ESYT1: variants seen among roughly 807,000 people sequenced by gnomAD.
ESYT1 encodes extended synaptotagmin-1.
Under a neutral mutation model 154.2 loss-of-function variants are expected in ESYT1, and 116 were observed. The observed-to-expected ratio is 0.75, with a 90% CI of 0.65 to 0.88. The LOEUF (loss-of-function observed/expected upper bound fraction) is 0.88. Among genes scored for constraint, ESYT1 ranks in the 40% least tolerant of loss-of-function variants. The probability of loss-of-function intolerance (pLI) is 0.00; values close to 1 mark genes in which losing one functional copy is unlikely to be tolerated. For missense variants in ESYT1, 1,264 were observed against 1,379.3 expected (o/e 0.92, Z 1.32); for synonymous variants, 500 against 539.9 (o/e 0.93, Z 1.02).
In ESYT1 at chr12:56,131,309, G is replaced by T; in HGVS notation, c.707G>T (p.Gly236Val). 6.2e-7 allele frequency: 1 copy of T among 1,614,210 alleles called. No individual in the cohort carries two copies. The highest frequency in any genetic ancestry group is 8.5e-7 in the Non-Finnish European group (1 of 1,180,032). ...KKYFCKAGVK[G>V]MQLHGVLRVI... ...TATTTTTGCAAAGCAGGAGTCAAGGGCATGCAGGTAGGCCAGATGTCAGGG... is the reference window on the plus strand; with the variant it reads ...TATTTTTGCAAAGCAGGAGTCAAGGTCATGCAGGTAGGCCAGATGTCAGGG... The change falls in exon 5 of 31, where the codon GGC (glycine) becomes GTC (valine). Residue 236 changes from glycine (G) to valine (V), a missense_variant. Physicochemically the swap from Gly to Val is moderately radical, Grantham distance 109. Transcript: ENST00000394048.
In ESYT1 at chr12:56,134,436, A is replaced by G. The variant is rs915835143; in HGVS notation, c.1632+8A>G. On this transcript the variant is annotated splice_region_variant and intron_variant, in intron 15 of 30. Transcript: ENST00000394048. Reference sequence around the variant, plus strand: ...CAGGAGCTCGATGTGCAAGTGAGATAATCACCTCTTCATCCCCTCCCGAAT... The same window carrying G: ...CAGGAGCTCGATGTGCAAGTGAGATGATCACCTCTTCATCCCCTCCCGAAT... 5 of 1,610,488 alleles carry G rather than the reference A, an allele frequency of 3.1e-6. No individual in the cohort carries two copies. Among genetic ancestry groups the G allele is most frequent in the African/African-American group, 1.3e-5 (1 of 74,764 alleles).
At position 56,131,116 on chromosome 12, in the gene ESYT1, A is replaced by G. The variant is rs1475132617; in HGVS notation, c.641+3A>G. The G allele has an allele frequency of 1.2e-6, 2 of 1,614,114 alleles. No individual in the cohort carries two copies. Among genetic ancestry groups the G allele is most frequent in the South Asian group, 1.1e-5 (1 of 91,076 alleles). On this transcript the variant is annotated splice_donor_region_variant and intron_variant, in intron 4 of 30. Coordinates refer to ENST00000394048, the MANE Select transcript of ESYT1 (RefSeq NM_015292.3). The stretch of plus-strand genomic sequence containing the variant: ...ATCCTGCTGGACTTGAACATCAGGT[A>G]ATACCACTCACCACTCTTACTGCTT...
At position 56,143,148 on chromosome 12, in the gene ESYT1, GGTCA is replaced by G. The variant is rs1870783573; in HGVS notation, c.3119+7_3119+10del. On this transcript the variant is annotated splice_donor_variant and splice_donor_region_variant and intron_variant, in intron 28 of 30. Coordinates refer to ENST00000394048, the MANE Select transcript of ESYT1 (RefSeq NM_015292.3). LOFTEE classifies it high-confidence loss of function. The stretch of plus-strand genomic sequence containing the variant: ...ACCCTGAGTCCTGAATTTAATGAAC[GGTCA>G]GTCAGTGGGCATTCAGGTGGAGAGA... 6.2e-7 allele frequency: 1 copy of G among 1,614,128 alleles called. No homozygotes were observed. Among genetic ancestry groups the G allele is most frequent in the African/African-American group, 1.3e-5 (1 of 75,016 alleles).
chr12:56,139,665 A>G (rs1376268260), intron 24 of ESYT1, among the ~76,000 whole-genome samples: 2 of 146,152 alleles, frequency 1.4e-5, no homozygotes, highest in Non-Finnish European at 3.0e-5. Flanking sequence ...GCGCAATCTC[A>G]GCTCACTGCA....
In ESYT1 at chr12:56,128,574, C is replaced by T. The variant is rs80169445; in HGVS notation, c.255C>T (p.Leu85=). The change falls in exon 1 of 31, where the codon CTC becomes CTT. Residue 85 remains leucine, a synonymous_variant. Transcript: ENST00000394048. ...GCGTGGGTTTCGTGCTCTTCGGCCTCGCCCTCTACCTGGGCTGGCGCCGGG... is the reference window on the plus strand; with the variant it reads ...GCGTGGGTTTCGTGCTCTTCGGCCTTGCCCTCTACCTGGGCTGGCGCCGGG... ...GLSVGFVLFG[L]ALYLGWRRVR... 1.2e-6 allele frequency: 2 copies of T among 1,613,952 alleles called. No individual in the cohort carries two copies. Among genetic ancestry groups the T allele is most frequent in the East Asian group, 2.2e-5 (1 of 44,874 alleles).
At chr12:56,133,292 G>C in intron 10 of ESYT1, 125 bp from the exon 11 acceptor site, 1 of 982,470 alleles carries the variant, frequency 1.0e-6, no homozygotes, top group South Asian at 1.3e-5. Context: ...TCTTCTGAGA[G>C]GAATAAGGGA....
In ESYT1 at chr12:56,142,649, T is replaced by A. The variant is rs755811339; in HGVS notation, c.2805T>A (p.Ser935Arg). Residue 935 changes from serine to arginine, a missense_variant, in exon 26 of 31, where the codon AGT (serine) becomes AGA (arginine). Coordinates refer to ENST00000394048, the MANE Select transcript of ESYT1 (RefSeq NM_015292.3). The surrounding 1 kb of genome is among the most constrained non-coding windows in gnomAD (Gnocchi z 4.1). ...ACAGCCACAGCTCCTCATCGCTGAGTGAAGAACCAGAGCTCTCGGGGGGAC... is the reference window on the plus strand; with the variant it reads ...ACAGCCACAGCTCCTCATCGCTGAGAGAAGAACCAGAGCTCTCGGGGGGAC... ...HSYSHSSSSL[S>R]EEPELSGGPP... 8.7e-6 allele frequency: 14 copies of A among 1,613,798 alleles called. 1 individual carries two copies. The highest frequency in any genetic ancestry group is 1.7e-5 in the Admixed American group (1 of 59,974).
chr12:56,136,651 A>C, intron 15 of ESYT1, 93 bp from the exon 16 acceptor site: 2 of 1,167,358 alleles, frequency 1.7e-6, no homozygotes, highest in Non-Finnish European at 2.3e-6. Context: ...ATTGGTACAG[A>C]GAGGAATGAA....
chr12:56,138,020 C>T lies in ESYT1; in HGVS notation c.2199-6C>T, dbSNP rs771454101. On this transcript the variant is annotated splice_region_variant and splice_polypyrimidine_tract_variant and intron_variant, in intron 19 of 30. Transcript: ENST00000394048. Reference sequence around the variant, plus strand: ...TAGCTTTTGTCTTAATCTTTCTCTTCAACAGGTGTAAAGTGCGTCTCACCA... The same window carrying T: ...TAGCTTTTGTCTTAATCTTTCTCTTTAACAGGTGTAAAGTGCGTCTCACCA... 1 of 1,614,152 alleles carries T rather than the reference C, an allele frequency of 6.2e-7. No individual in the cohort carries two copies. Among genetic ancestry groups the T allele is most frequent in the Non-Finnish European group, 8.5e-7 (1 of 1,180,006 alleles).
In ESYT1 at chr12:56,128,404, G is replaced by A. The variant is rs372827802; in HGVS notation, c.85G>A (p.Ala29Thr). Reference sequence around the variant, plus strand: ...CTCCGACCCCACTGACCAGCCCCCCGCTGCTCACGCAAAGCCAGACCCAGG... The same window carrying A: ...CTCCGACCCCACTGACCAGCCCCCCACTGCTCACGCAAAGCCAGACCCAGG... ...APSDPTDQPPAAHAKPDPGSG... is the reference protein window; with the variant it reads ...APSDPTDQPPTAHAKPDPGSG... The change falls in exon 1 of 31, where the codon GCT becomes ACT. Residue 29 changes from alanine to threonine, a missense_variant. Physicochemically the swap from Ala to Thr is moderately conservative, Grantham distance 58. Transcript: ENST00000394048. 2.9e-5 allele frequency: 46 copies of A among 1,611,630 alleles called. No homozygotes were observed. Among genetic ancestry groups the A allele is most frequent in the East Asian group, 2.0e-4 (9 of 44,870 alleles).
rs927359241 is a variant in ESYT1 at position 56,144,630 on chromosome 12, T to A, written c.*768T>A. The stretch of plus-strand genomic sequence containing the variant: ...TGGTACTTTACAGTTTTGCACCAAC[T>A]CTGCCAAGCCACTGGATCTTACATT... On this transcript the variant is annotated 3_prime_UTR_variant, in exon 31 of 31. Coordinates refer to ENST00000394048, the MANE Select transcript of ESYT1 (RefSeq NM_015292.3). 6 of 985,240 alleles carry A rather than the reference T, an allele frequency of 6.1e-6. No individual in the cohort carries two copies. In the African/African-American group the frequency reaches 1.0e-4, roughly 17 times the overall value. 61.0% of individuals were successfully genotyped at this position (985,240 alleles called of 1,614,324 possible). A position where few individuals can be genotyped will look rare whatever the true frequency, so the allele number is the denominator to read the frequency against.
At chr12:56,128,833 C>A in intron 1 of ESYT1, 124 bp downstream of exon 1, 1 of 1,226,048 alleles carries the variant, frequency 8.2e-7, no homozygotes, top group Non-Finnish European at 1.1e-6. Flanking sequence ...AGACTTTCCC[C>A]TCTCTCCCCG....
chr12:56,132,517 C>T lies in ESYT1; in HGVS notation c.1081C>T (p.Leu361Phe), dbSNP rs144813082. ...LIEGKSDPYA[L>F]VRLGTQTFCS... Reference sequence around the variant, plus strand: ...TGAGGGCAAGTCAGACCCATATGCACTTGTGCGTTTGGGTACCCAGACATT... The same window carrying T: ...TGAGGGCAAGTCAGACCCATATGCATTTGTGCGTTTGGGTACCCAGACATT... The change falls in exon 9 of 31, where the codon CTT becomes TTT. Residue 361 changes from leucine to phenylalanine, a missense_variant. By Grantham distance (22) the Leu-to-Phe change is conservative (BLOSUM62 0). Coordinates refer to ENST00000394048, the MANE Select transcript of ESYT1 (RefSeq NM_015292.3). The T allele has an allele frequency of 1.2e-6, 2 of 1,614,070 alleles. No individual in the cohort carries two copies. The highest frequency in any genetic ancestry group is 1.7e-6 in the Non-Finnish European group (2 of 1,180,046).
At chr12:56,131,388 A>G in intron 5 of ESYT1, 72 bp downstream of exon 5, 1 of 1,609,428 alleles carries the variant, frequency 6.2e-7, no homozygotes, top group Non-Finnish European at 8.5e-7. Flanking sequence ...GGGAAGTGTG[A>G]GGTTGGAAAG....
At chr12:56,138,636 G>A in intron 22 of ESYT1, 132 bp from the exon 23 acceptor site, 1 of 1,274,020 alleles carries the variant, frequency 7.8e-7, no homozygotes. Context: ...GGGAAAAGTT[G>A]TCTGTTCAAG....
chr12:56,140,762 G>A (rs2136884130), intron 24 of ESYT1, among the ~76,000 whole-genome samples: 1 of 152,322 alleles, frequency 6.6e-6, no homozygotes, highest in South Asian at 2.1e-4. Flanking sequence ...ACAACACTGG[G>A]GGCAGGGAGA....
chr12:56,138,225 C>A lies in ESYT1; in HGVS notation c.2290C>A (p.Arg764Ser), dbSNP rs35075600. ...EDVPSGRLHLRLERLTPRPTA... is the reference protein window; with the variant it reads ...EDVPSGRLHLSLERLTPRPTA... ...TGTCCCATCTGGCCGCCTGCACTTG[C>A]GCCTGGAGCGTCTCACCCCCCGTCC... The change falls in exon 21 of 31, where the codon CGC (arginine) becomes AGC (serine). Residue 764 changes from arginine to serine, a missense_variant. By Grantham distance (110) the Arg-to-Ser change is moderately radical. Transcript: ENST00000394048. 9 of 1,614,058 alleles carry A rather than the reference C, an allele frequency of 5.6e-6. No individual in the cohort carries two copies. Among genetic ancestry groups the A allele is most frequent in the South Asian group, 1.1e-5 (1 of 91,088 alleles).
Position 56,134,771 on chromosome 12 carries a change from G to C in ESYT1, c.1632+343G>C, listed in dbSNP as rs373470215. Reference sequence around the variant, plus strand: ...GCACCACCATGCCCGGCTAATTTTTGTATTTTTAGTAGAGACAGGGTTTCA... The same window carrying C: ...GCACCACCATGCCCGGCTAATTTTTCTATTTTTAGTAGAGACAGGGTTTCA... On this transcript the variant is annotated intron_variant, in intron 15 of 30. Coordinates refer to ENST00000394048, the MANE Select transcript of ESYT1 (RefSeq NM_015292.3). Among the ~76,000 whole-genome samples the C allele has an allele frequency of 1.3e-3, 202 of 151,692 alleles. 1 individual carries two copies. The highest frequency in any genetic ancestry group is 4.6e-3 in the African/African-American group (191 of 41,354).
rs761725784 is a variant in ESYT1, at chr12:56,131,736, T to C, written c.805-13T>C. On this transcript the variant is annotated splice_polypyrimidine_tract_variant and intron_variant, in intron 6 of 30. Transcript: ENST00000394048. The stretch of plus-strand genomic sequence containing the variant: ...CCATAGGATCTGTCCTGACCCCTGC[T>C]CTTTCCCTCCAGACCCTAGACATCA... 1 of 1,614,064 alleles carries C rather than the reference T, an allele frequency of 6.2e-7. No individual in the cohort carries two copies. The highest frequency in any genetic ancestry group is 8.5e-7 in the Non-Finnish European group (1 of 1,179,960).
Sources: gnomAD v4.1 joint callset for allele counts (sites outside exome capture counted in the v4.1 genomes callset) on GRCh38, gnomAD v4.1.1 for gene constraint, Gnocchi (gnomAD v3.1) non-coding constraint, MANE v1.5 for transcripts, NCBI Gene and HGNC (gene_info 2026-07-23, HGNC 2026-07-21) for gene names.